ZSCAN1: variants seen among roughly 807,000 people sequenced by gnomAD.
ZSCAN1 encodes the protein zinc finger and SCAN domain containing 1.
Under a neutral mutation model 23.8 loss-of-function variants are expected in ZSCAN1, and 23 were observed. The observed-to-expected ratio is 0.97, with a 90% CI of 0.70 to 1.37. ZSCAN1 has a LOEUF of 1.37. Ranked by LOEUF, ZSCAN1 falls within the 40% of genes most tolerant of loss-of-function variation. The pLI is 0.00. For synonymous variants in ZSCAN1, 236 were observed against 232.3 expected (o/e 1.02, Z -0.15); for missense variants, 575 against 554.0 (o/e 1.04, Z -0.38).
At chr19:58,050,735 G>A (rs961082031) in intron 4 of ZSCAN1, among the ~76,000 whole-genome samples, 15 of 152,018 alleles carry the variant, frequency 9.9e-5, no homozygotes, top group African/African-American at 3.4e-4. Flanking sequence ...TGGCCTAGAT[G>A]GTCTCGATAT....
At chr19:58,044,904 C>A in intron 4 of ZSCAN1, 1 of 826,230 alleles carries the variant, frequency 1.2e-6, no homozygotes, top group Non-Finnish European at 2.1e-6. Context: ...TTCCTGCCCG[C>A]GGCTGGCACT....
rs765936622 is a variant in ZSCAN1, at chr19:58,045,973, CAGG to C, written c.465+5432_465+5434del. The C allele has an allele frequency of 1.3e-6, 1 of 745,260 alleles. No homozygotes were observed. Among genetic ancestry groups the C allele is most frequent in the Non-Finnish European group, 2.4e-6 (1 of 416,316 alleles). 46.2% of individuals were successfully genotyped at this position (745,260 alleles called of 1,614,324 possible). ...CAAGGCCAAGCTAGAGGCCACACTGCAGGAGAAGGCGACCATGCAGTAGGAGCA... is the reference window on the plus strand; with the variant it reads ...CAAGGCCAAGCTAGAGGCCACACTGCAGAAGGCGACCATGCAGTAGGAGCA... On this transcript the variant is annotated intron_variant, in intron 4 of 5. Coordinates refer to ENST00000282326, the MANE Select transcript of ZSCAN1 (RefSeq NM_182572.4). This position sits in a 1 kb window ranked among gnomAD's most constrained non-coding sequence, Gnocchi z 4.3.
rs1481801870 is a variant in ZSCAN1, at chr19:58,053,269, T to C, written c.605-160T>C. Among the ~76,000 whole-genome samples the C allele has an allele frequency of 2.0e-5, 3 of 152,072 alleles. No homozygotes were observed. Among genetic ancestry groups the C allele is most frequent in the Admixed American group, 6.6e-5 (1 of 15,262 alleles). ...ACTGCACCGGCCACATGTGCCCTTG[T>C]ATCTTAAAGGACAGAACGGAGGACA... is the stretch of plus-strand genomic sequence containing the variant. On this transcript the variant is annotated intron_variant, in intron 5 of 5. Coordinates refer to ENST00000282326, the MANE Select transcript of ZSCAN1 (RefSeq NM_182572.4). The surrounding 1 kb of genome is among the most constrained non-coding windows in gnomAD (Gnocchi z 5.8).
At chr19:58,036,515 C>CTT (rs66483587) in intron 2 of ZSCAN1, among the ~76,000 whole-genome samples, 8 of 93,418 alleles carry the variant, frequency 8.6e-5, no homozygotes, top group Non-Finnish European at 8.7e-5. Context: ...TTTTTCTTTT[C>CTT]TTTTTTTTTT....
downstream of ZSCAN1, among the ~76,000 whole-genome samples, chr19:58,056,281 A>T (rs1314572600): frequency 2.0e-5 from 3 of 152,322 alleles, no homozygotes; most frequent in Non-Finnish European, 2.9e-5. Flanking sequence ...AGCCCCCAGC[A>T]CTGGGATGGT....
rs1443243652 is a variant in ZSCAN1, at chr19:58,053,596, A to G, written c.772A>G (p.Ser258Gly). The change falls in exon 6 of 6, where the codon AGC becomes GGC. Residue 258 changes from serine (S) to glycine (G), a missense_variant. Physicochemically the swap from Ser to Gly is moderately conservative, Grantham distance 56 (BLOSUM62 0). Coordinates refer to ENST00000282326, the MANE Select transcript of ZSCAN1 (RefSeq NM_182572.4). The surrounding 1 kb of genome is among the most constrained non-coding windows in gnomAD (Gnocchi z 5.8). Reference protein sequence around the residue: ...PRRRNRNTDQSGRHQPSLKHT... With the variant: ...PRRRNRNTDQGGRHQPSLKHT... ...AAGGAGAAACAGGAACACTGACCAG[A>G]GCGGCCGCCACCAGCCATCCCTCAA... The G allele has an allele frequency of 1.2e-6, 2 of 1,614,076 alleles. No individual in the cohort carries two copies. The highest frequency in any genetic ancestry group is 1.3e-5 in the African/African-American group (1 of 74,994).
rs988294960 is a variant in ZSCAN1, at chr19:58,053,250, C to T, written c.605-179C>T. On this transcript the variant is annotated intron_variant, in intron 5 of 5. Transcript: ENST00000282326. This position sits in a 1 kb window ranked among gnomAD's most constrained non-coding sequence, Gnocchi z 5.8. The stretch of plus-strand genomic sequence containing the variant: ...GGGATTACAGGCATGAGCCACTGCA[C>T]CGGCCACATGTGCCCTTGTATCTTA... 1.3e-5 allele frequency among the ~76,000 whole-genome samples: 2 copies of T among 152,176 alleles called. No individual in the cohort carries two copies. Among genetic ancestry groups the T allele is most frequent in the Admixed American group, 6.5e-5 (1 of 15,278 alleles).
At position 58,054,300 on chromosome 19, in the gene ZSCAN1, T is replaced by C. The variant is rs1037036965; in HGVS notation, c.*249T>C. 1.9e-5 allele frequency: 8 copies of C among 430,524 alleles called. No individual in the cohort carries two copies. The highest frequency in any genetic ancestry group is 1.6e-4 in the Admixed American group (4 of 25,676). 26.7% of individuals were successfully genotyped at this position (430,524 alleles called of 1,614,324 possible). A position where few individuals can be genotyped will look rare whatever the true frequency, so the allele number is the denominator to read the frequency against. On this transcript the variant is annotated 3_prime_UTR_variant, in exon 6 of 6. Coordinates refer to ENST00000282326, the MANE Select transcript of ZSCAN1 (RefSeq NM_182572.4). This position sits in a 1 kb window ranked among gnomAD's most constrained non-coding sequence, Gnocchi z 4.2. ...ACAGCCTGGTCAGTCCTGCGCACTATAGTTTTGCAAGTGGCTTGAAGAGGA... is the reference window on the plus strand; with the variant it reads ...ACAGCCTGGTCAGTCCTGCGCACTACAGTTTTGCAAGTGGCTTGAAGAGGA...
chr19:58,054,979 G>A (rs1001194724), downstream of ZSCAN1, among the ~76,000 whole-genome samples: 2 of 152,194 alleles, frequency 1.3e-5, no homozygotes, highest in African/African-American at 4.8e-5. The surrounding 1 kb of genome is among the most constrained non-coding windows in gnomAD (Gnocchi z 4.2). Context: ...CAGAGTGTGG[G>A]CAGGCGGTGA....
chr19:58,044,266 C>T (rs941229053), intron 4 of ZSCAN1, among the ~76,000 whole-genome samples: 2 of 151,062 alleles, frequency 1.3e-5, no homozygotes, highest in Non-Finnish European at 2.9e-5. Flanking sequence ...GAGCGAAACT[C>T]CGTCTCAAAA....
At chr19:58,038,786 G>A (rs960312257) in intron 3 of ZSCAN1, among the ~76,000 whole-genome samples, 1 of 152,206 alleles carries the variant, frequency 6.6e-6, no homozygotes, top group African/African-American at 2.4e-5. Flanking sequence ...CCAGGGCCCA[G>A]TCCCATGAGT....
chr19:58,044,801 G>T, intron 4 of ZSCAN1: 1 of 728,398 alleles, frequency 1.4e-6, no homozygotes, highest in Non-Finnish European at 2.5e-6. Context: ...CACCTCAGCT[G>T]TTGGACTCTG....
At position 58,038,067 on chromosome 19, in the gene ZSCAN1, G is replaced by T; in HGVS notation, c.231G>T (p.Met77Ile). 4 of 1,611,828 alleles carry T rather than the reference G, an allele frequency of 2.5e-6. No individual in the cohort carries two copies. Among genetic ancestry groups the T allele is most frequent in the Non-Finnish European group, 3.4e-6 (4 of 1,179,828 alleles). ...CCGAGGCGCGCTCCAAGGAGCAGAT[G>T]CTGGAGCTGCTGGTGCTGGAGCAGT... is the stretch of plus-strand genomic sequence containing the variant. ...LRPEARSKEQ[M>I]LELLVLEQFL... The change falls in exon 3 of 6, where the codon ATG becomes ATT. Residue 77 changes from methionine to isoleucine, a missense_variant. Met to Ile is a conservative substitution (Grantham distance 10). Transcript: ENST00000282326.
At chr19:58,044,621 T>TGGC in intron 4 of ZSCAN1, 1 of 1,057,534 alleles carries the variant, frequency 9.5e-7, no homozygotes, top group Non-Finnish European at 1.4e-6. Flanking sequence ...CTGCCGCGGC[T>TGGC]GGGCGCCCGC....
At chr19:58,052,128 A>G (rs2073861432) in intron 4 of ZSCAN1, among the ~76,000 whole-genome samples, 1 of 152,238 alleles carries the variant, frequency 6.6e-6, no homozygotes, top group Non-Finnish European at 1.5e-5. Context: ...GCTCCATCTA[A>G]TGCTCTGTTG....
chr19:58,050,096 T>G (rs2073849785), intron 4 of ZSCAN1, among the ~76,000 whole-genome samples: 1 of 151,910 alleles, frequency 6.6e-6, no homozygotes, highest in Non-Finnish European at 1.5e-5. Context: ...TTCCTTTTTT[T>G]TTTTTCCAAA....
chr19:58,040,942 CCCTGCAGCTAGA>C lies in ZSCAN1; in HGVS notation c.465+404_465+415del, dbSNP rs2073784536. On this transcript the variant is annotated intron_variant, in intron 4 of 5. Coordinates refer to ENST00000282326, the MANE Select transcript of ZSCAN1 (RefSeq NM_182572.4). The surrounding 1 kb of genome is among the most constrained non-coding windows in gnomAD (Gnocchi z 5.8). ...GCCCAGAAGGAAATGCTGAGGGCTC[CCCTGCAGCTAGA>C]CCTGCTGTTGCGCAGGCCTCAAGGC... is the stretch of plus-strand genomic sequence containing the variant. Among the ~76,000 whole-genome samples, 1 of 152,176 alleles carries C rather than the reference CCCTGCAGCTAGA, an allele frequency of 6.6e-6. No individual in the cohort carries two copies. Among genetic ancestry groups the C allele is most frequent in the South Asian group, 2.1e-4 (1 of 4,828 alleles).
intron 3 of ZSCAN1, 39 bp downstream of exon 3, chr19:58,038,245 G>A (rs779801425): frequency 6.4e-7 from 1 of 1,568,808 alleles, no homozygotes; most frequent in Non-Finnish European, 8.6e-7. Flanking sequence ...CCGGGCCAGG[G>A]GGCCTGACGT....
Position 58,052,525 on chromosome 19 carries a change from C to A in ZSCAN1, c.501C>A (p.Ala167=). The change falls in exon 5 of 6, where the codon GCC becomes GCA. Residue 167 remains alanine, a synonymous_variant. Coordinates refer to ENST00000282326, the MANE Select transcript of ZSCAN1 (RefSeq NM_182572.4). ...SELILDAVAA[A]PALPEESEWL... ...TGATTCTGGATGCAGTGGCAGCAGCCCCAGCACTCCCCGAGGAAAGTGAGT... is the reference window on the plus strand; with the variant it reads ...TGATTCTGGATGCAGTGGCAGCAGCACCAGCACTCCCCGAGGAAAGTGAGT... 1 of 1,614,088 alleles carries A rather than the reference C, an allele frequency of 6.2e-7. No individual in the cohort carries two copies. The highest frequency in any genetic ancestry group is 1.7e-5 in the Admixed American group (1 of 60,030).
Sources: gnomAD v4.1 joint callset for allele counts (sites outside exome capture counted in the v4.1 genomes callset) on GRCh38, gnomAD v4.1.1 for gene constraint, Gnocchi (gnomAD v3.1) non-coding constraint, MANE v1.5 for transcripts, NCBI Gene and HGNC (gene_info 2026-07-23, HGNC 2026-07-21) for gene names.